CEP162: variants seen among roughly 807,000 people sequenced by gnomAD.
The protein encoded by CEP162 is centrosomal protein of 162 kDa.
CEP162 carries 141 observed loss-of-function variants against 169.2 expected under a neutral mutation model. The ratio of observed to expected loss-of-function variants is 0.83; its 90% CI spans 0.73 to 0.96. The LOEUF (loss-of-function observed/expected upper bound fraction) is 0.96, where lower values mean the gene tolerates loss of function less well. Among genes scored for constraint, CEP162 ranks in the 40% least tolerant of loss-of-function variants. The pLI, the probability that CEP162 is intolerant of heterozygous loss-of-function variation, is 0.00. For missense variants in CEP162, 1,600 were observed against 1,587.2 expected (o/e 1.01, Z -0.14); for synonymous variants, 540 against 526.4 (o/e 1.03, Z -0.35).
intron 21 of CEP162, 100 bp downstream of exon 21, chr6:84,160,712 C>A (rs924096571): frequency 4.3e-6 from 3 of 689,866 alleles, no homozygotes; most frequent in African/African-American, 1.8e-5. Flanking sequence ...ACAAAAATTT[C>A]CAGGTCAACT....
rs1318525780 is a variant in CEP162 at position 84,195,365 on chromosome 6, C to T, written c.836-290G>A. Among the ~76,000 whole-genome samples, 3 of 152,114 alleles carry T rather than the reference C, an allele frequency of 2.0e-5. No individual in the cohort carries two copies. In the East Asian group the frequency reaches 5.8e-4, roughly 29 times the overall value. ...CTCTGCATAACTATTCTTAAGTTTC[C>T]CAAACTAAAAAATTCCTTTGACGGA... On this transcript the variant is annotated intron_variant, in intron 9 of 26. Transcript: ENST00000403245.
rs141689046 is a variant in CEP162, at chr6:84,210,570, G to T, written c.571+2387C>A. On this transcript the variant is annotated intron_variant, in intron 6 of 26. Transcript: ENST00000403245. ...CACTGAGTAGAGGAGAGCGAGATAAGTTCAGAAAGGCTGAGGCAATTTATA... is the reference window on the plus strand; with the variant it reads ...CACTGAGTAGAGGAGAGCGAGATAATTTCAGAAAGGCTGAGGCAATTTATA... Among the ~76,000 whole-genome samples, 179 of 152,304 alleles carry T rather than the reference G, an allele frequency of 1.2e-3. 1 individual carries two copies. In the East Asian group the frequency reaches 0.032, roughly 27 times the overall value.
intron 10 of CEP162, 113 bp from the exon 11 acceptor site, chr6:84,193,803 T>TG (rs1446784688): frequency 1.8e-6 from 1 of 559,514 alleles, no homozygotes; most frequent in Non-Finnish European, 3.1e-6. Flanking sequence ...AAACGGTACA[T>TG]GCAATAAACC....
chr6:84,154,330 A>ATCTGTCTGTCTGTCTG (rs561247395), intron 22 of CEP162, among the ~76,000 whole-genome samples: 2 of 149,336 alleles, frequency 1.3e-5, no homozygotes, highest in Non-Finnish European at 3.0e-5. Flanking sequence ...CTATCTATCT[A>ATCTGTCTGTCTGTCTG]TCTGTCTGTC....
chr6:84,128,831 A>G (rs908481432), intron 25 of CEP162, among the ~76,000 whole-genome samples: 1 of 151,870 alleles, frequency 6.6e-6, no homozygotes, highest in African/African-American at 2.4e-5. Context: ...TCCTAATGCT[A>G]TCCCTCCCCT....
At chr6:84,176,939 G>GT (rs2099532662) in intron 13 of CEP162, among the ~76,000 whole-genome samples, 1 of 151,526 alleles carries the variant, frequency 6.6e-6, no homozygotes, top group Non-Finnish European at 1.5e-5. Flanking sequence ...CCAGGCTGGA[G>GT]TGTATTTTTT....
At chr6:84,136,246 T>TAA (rs10672455) in intron 25 of CEP162, among the ~76,000 whole-genome samples, 6,671 of 152,308 alleles carry the variant, frequency 0.044, 465 homozygotes, top group African/African-American at 0.15. Flanking sequence ...GCACATGTCT[T>TAA]AGTCTGTTTT....
At chr6:84,143,312 A>AATC (rs1426498798) in intron 25 of CEP162, among the ~76,000 whole-genome samples, 1 of 152,050 alleles carries the variant, frequency 6.6e-6, no homozygotes, top group Non-Finnish European at 1.5e-5. Context: ...AAATGATGTT[A>AATC]ATCTACAAAA....
At chr6:84,220,519 G>A (rs1228361744) in intron 3 of CEP162, among the ~76,000 whole-genome samples, 1 of 152,172 alleles carries the variant, frequency 6.6e-6, no homozygotes. Flanking sequence ...CAGCTACTCA[G>A]AAAGCCGAGG....
chr6:84,185,237 T>G lies in CEP162; in HGVS notation c.1613A>C (p.Lys538Thr), dbSNP rs1467868735. Residue 538 changes from lysine (K) to threonine (T), a missense_variant, in exon 13 of 27, where the codon AAA becomes ACA. Physicochemically the swap from Lys to Thr is moderately conservative, Grantham distance 78. Transcript: ENST00000403245. ...AGAAATCGATCTCAAGTTTTTGCTTTTTATAATGTCCTCTGAAGTTTTCTT... is the reference window on the plus strand; with the variant it reads ...AGAAATCGATCTCAAGTTTTTGCTTGTTATAATGTCCTCTGAAGTTTTCTT... ...LEKKTSEDII[K>T]SKNLRSISTS... is the part of the protein sequence containing the mutation. The G allele has an allele frequency of 1.2e-6, 2 of 1,613,554 alleles. No homozygotes were observed. Among genetic ancestry groups the G allele is most frequent in the Middle Eastern group, 3.3e-4 (2 of 6,056 alleles).
At chr6:84,137,836 G>A (rs2099514812) in intron 25 of CEP162, among the ~76,000 whole-genome samples, 1 of 152,028 alleles carries the variant, frequency 6.6e-6, no homozygotes, top group Non-Finnish European at 1.5e-5. Context: ...AAAAACCCAA[G>A]GATTTGAAAA....
chr6:84,134,379 G>T (rs1172191234), intron 25 of CEP162, among the ~76,000 whole-genome samples: 2 of 152,082 alleles, frequency 1.3e-5, no homozygotes, highest in Admixed American at 1.3e-4. Flanking sequence ...GGCATTCCAG[G>T]CGCCACTGTG....
At chr6:84,163,582 G>C (rs1178896463) in intron 18 of CEP162, among the ~76,000 whole-genome samples, 1 of 151,668 alleles carries the variant, frequency 6.6e-6, no homozygotes, top group Non-Finnish European at 1.5e-5. Flanking sequence ...CTCTTAACTA[G>C]TATGCCTCTT....
At chr6:84,149,807 G>T in intron 23 of CEP162, 104 bp from the exon 24 acceptor site, 1 of 941,836 alleles carries the variant, frequency 1.1e-6, no homozygotes, top group Non-Finnish European at 1.5e-6. Context: ...TAAGCAAGGG[G>T]AAAATGGGCA....
chr6:84,133,805 G>A (rs2099512661), intron 25 of CEP162, among the ~76,000 whole-genome samples: 1 of 152,166 alleles, frequency 6.6e-6, no homozygotes, highest in African/African-American at 2.4e-5. Context: ...CAGACCCCTT[G>A]CGCTTCCTGG....
At chr6:84,151,963 C>A (rs1734418510) in intron 23 of CEP162, among the ~76,000 whole-genome samples, 1 of 151,800 alleles carries the variant, frequency 6.6e-6, no homozygotes, top group African/African-American at 2.4e-5. Flanking sequence ...TGCTAAAAGA[C>A]AGGATTGGAT....
chr6:84,171,104 T>C (rs938357940), intron 17 of CEP162, among the ~76,000 whole-genome samples: 1 of 152,148 alleles, frequency 6.6e-6, no homozygotes. Flanking sequence ...GCCCTCCCCC[T>C]ACCTCACCGT....
chr6:84,178,453 A>C (rs1190818874), intron 13 of CEP162, among the ~76,000 whole-genome samples: 1 of 152,150 alleles, frequency 6.6e-6, no homozygotes, highest in East Asian at 1.9e-4. Flanking sequence ...ATTTTATTTA[A>C]ATTTGCATAT....
chr6:84,149,619 T>C lies in CEP162; in HGVS notation c.3714A>G (p.Ala1238=). The change falls in exon 24 of 27, where the codon GCA becomes GCG. Residue 1238 remains alanine, a synonymous_variant. Coordinates refer to ENST00000403245, the MANE Select transcript of CEP162 (RefSeq NM_014895.4). ...REIEKLLCQN[A]VENSSSKVAE... ...CTACTTTGGAAGAAGAATTTTCTAC[T>C]GCATTTTGGCAAAGGAGTTTCTCTA... 8 of 1,606,088 alleles carry C rather than the reference T, an allele frequency of 5.0e-6. No individual in the cohort carries two copies. Among genetic ancestry groups the C allele is most frequent in the Non-Finnish European group, 6.8e-6 (8 of 1,175,732 alleles).
Sources: gnomAD v4.1 joint callset for allele counts (sites outside exome capture counted in the v4.1 genomes callset) on GRCh38, gnomAD v4.1.1 for gene constraint, MANE v1.5 for transcripts, NCBI Gene and HGNC (gene_info 2026-07-23, HGNC 2026-07-21) for gene names.